DLG2: variants seen among roughly 807,000 people sequenced by gnomAD.
DLG2 encodes the protein discs large MAGUK scaffold protein 2, also known as disks large homolog 2.
Under a neutral mutation model 132.5 loss-of-function variants are expected in DLG2, and 45 were observed. That is an observed-to-expected ratio of 0.34 (90% CI 0.27 to 0.44). The LOEUF is 0.44. Ranked by LOEUF, DLG2 falls within the 20% of genes least tolerant of loss-of-function variation. The pLI is 1.00. For missense variants in DLG2, 1,045 were observed against 1,196.9 expected (o/e 0.87, Z 1.87); for synonymous variants, 424 against 419.6 (o/e 1.01, Z -0.13).
Position 85,424,452 on chromosome 11 carries a change from C to T in DLG2, c.41-139087G>A, listed in dbSNP as rs557210653. 2.6e-5 allele frequency among the ~76,000 whole-genome samples: 4 copies of T among 152,332 alleles called. No individual in the cohort carries two copies. The South Asian group carries it at 8.3e-4, about 32-fold the overall frequency. On this transcript the variant is annotated intron_variant, in intron 3 of 27. Coordinates refer to ENST00000376104, the MANE Select transcript of DLG2 (RefSeq NM_001142699.3). ...CTCCCATCCGCCATGACCCCCAGTT[C>T]TCCTGGGATGACATTCATGATTCAT...
intron 19 of DLG2, among the ~76,000 whole-genome samples, chr11:83,571,371 C>A (rs535348224): frequency 6.6e-6 from 1 of 151,958 alleles, no homozygotes; most frequent in South Asian, 2.1e-4. Flanking sequence ...CTGAATTCTA[C>A]CTCCTCCACT....
At chr11:85,154,149 A>C (rs1047378209) in intron 5 of DLG2, among the ~76,000 whole-genome samples, 4 of 151,046 alleles carry the variant, frequency 2.6e-5, no homozygotes, top group Admixed American at 6.6e-5. Flanking sequence ...AAAAAAAAAA[A>C]AAAAAAAAAA....
intron 14 of DLG2, among the ~76,000 whole-genome samples, chr11:83,960,403 T>C (rs1286593154): frequency 6.6e-6 from 1 of 152,100 alleles, no homozygotes; most frequent in Non-Finnish European, 1.5e-5. Flanking sequence ...ATTTTACAGA[T>C]AGTTAACATT....
chr11:85,309,576 A>C lies in DLG2; in HGVS notation c.41-24211T>G, dbSNP rs566353608. ...CAATAGGCATTTAAATGAAACATATAGTCATTACCACAAAAGACAAGGCCC... is the reference window on the plus strand; with the variant it reads ...CAATAGGCATTTAAATGAAACATATCGTCATTACCACAAAAGACAAGGCCC... On this transcript the variant is annotated intron_variant, in intron 3 of 27. Coordinates refer to ENST00000376104, the MANE Select transcript of DLG2 (RefSeq NM_001142699.3). Among the ~76,000 whole-genome samples the C allele has an allele frequency of 2.8e-4, 43 of 152,312 alleles. 2 individuals carry two copies. Among genetic ancestry groups the C allele is most frequent in the African/African-American group, 1.0e-3 (42 of 41,570 alleles).
chr11:84,964,421 A>C (rs1200445651), intron 6 of DLG2, among the ~76,000 whole-genome samples: 2 of 152,108 alleles, frequency 1.3e-5, no homozygotes, highest in African/African-American at 4.8e-5. Context: ...AATTTTAATT[A>C]ATAAATACAT....
chr11:84,087,072 G>A (rs1362299237), intron 10 of DLG2, among the ~76,000 whole-genome samples: 6 of 152,124 alleles, frequency 3.9e-5, no homozygotes, highest in Admixed American at 2.0e-4. Context: ...GGACATTTGG[G>A]TTGTTTCCAG....
intron 19 of DLG2, chr11:83,631,611 T>C (rs892757693): frequency 2.6e-5 from 4 of 152,160 alleles, no homozygotes; most frequent in African/African-American, 9.7e-5. Flanking sequence ...TTTTATATAA[T>C]ATCATATCAC....
intron 9 of DLG2, among the ~76,000 whole-genome samples, chr11:84,102,662 T>G (rs1443300875): frequency 2.0e-5 from 3 of 152,116 alleles, no homozygotes; most frequent in African/African-American, 7.2e-5. Context: ...AGGCATTTAT[T>G]GAAAGGTTAA....
intron 6 of DLG2, among the ~76,000 whole-genome samples, chr11:84,942,748 T>C (rs941864641): frequency 1.3e-5 from 2 of 152,162 alleles, no homozygotes; most frequent in South Asian, 2.1e-4. Flanking sequence ...ATTTGGTCTA[T>C]GGTGCAGATT....
At chr11:85,316,882 TAC>T (rs2080718344) in intron 3 of DLG2, among the ~76,000 whole-genome samples, 2 of 151,954 alleles carry the variant, frequency 1.3e-5, no homozygotes, top group Admixed American at 6.6e-5. Context: ...TCCTAGAATC[TAC>T]AGTCTTATGG....
At chr11:85,537,752 A>C (rs2075693340) in intron 3 of DLG2, among the ~76,000 whole-genome samples, 1 of 151,944 alleles carries the variant, frequency 6.6e-6, no homozygotes, top group Non-Finnish European at 1.5e-5. Flanking sequence ...CCACGAACCC[A>C]CCAGGAGGAA....
intron 18 of DLG2, among the ~76,000 whole-genome samples, chr11:83,773,010 C>A (rs931648729): frequency 1.3e-5 from 2 of 152,204 alleles, no homozygotes; most frequent in Admixed American, 1.3e-4. Flanking sequence ...TAATATACCA[C>A]CAAGCATTCA....
chr11:85,368,852 C>T (rs2084753943), intron 3 of DLG2, among the ~76,000 whole-genome samples: 1 of 152,240 alleles, frequency 6.6e-6, no homozygotes, highest in African/African-American at 2.4e-5. Flanking sequence ...AAGTTCACAA[C>T]ATTTGCAGCA....
At chr11:84,729,445 G>C (rs549805218) in intron 6 of DLG2, among the ~76,000 whole-genome samples, 1 of 152,056 alleles carries the variant, frequency 6.6e-6, no homozygotes, top group Non-Finnish European at 1.5e-5. Flanking sequence ...CCGAGAGACT[G>C]TTTGTTATGA....
At chr11:83,584,924 T>C (rs960985592) in intron 19 of DLG2, among the ~76,000 whole-genome samples, 56 of 152,210 alleles carry the variant, frequency 3.7e-4, no homozygotes, top group African/African-American at 1.2e-3. Context: ...GCATAAGACA[T>C]GATTCCTGCC....
At chr11:84,788,100 C>CAAAAA in intron 6 of DLG2, among the ~76,000 whole-genome samples, 592 of 45,262 alleles carry the variant, frequency 0.013, 2 homozygotes, top group Middle Eastern at 0.031. Flanking sequence ...GAATATGTCT[C>CAAAAA]AAAAAAAAAA....
At chr11:83,766,397 T>C (rs1593962731) in intron 18 of DLG2, among the ~76,000 whole-genome samples, 1 of 106,198 alleles carries the variant, frequency 9.4e-6, no homozygotes, top group East Asian at 2.1e-4. Flanking sequence ...CTGGCCTGCC[T>C]TTTTTTTTTT....
At chr11:83,468,857 A>G in intron 25 of DLG2, among the ~76,000 whole-genome samples, 1 of 152,152 alleles carries the variant, frequency 6.6e-6, no homozygotes, top group East Asian at 1.9e-4. Context: ...GAAAAAAAAT[A>G]ACTTCCTCTA....
At chr11:84,908,404 C>A (rs1192490190) in intron 6 of DLG2, among the ~76,000 whole-genome samples, 2 of 152,156 alleles carry the variant, frequency 1.3e-5, no homozygotes, top group Non-Finnish European at 2.9e-5. Flanking sequence ...AAGTGCTCAA[C>A]AGCCACATGT....
Sources: gnomAD v4.1 joint callset for allele counts (sites outside exome capture counted in the v4.1 genomes callset) on GRCh38, gnomAD v4.1.1 for gene constraint, MANE v1.5 for transcripts, NCBI Gene and HGNC (gene_info 2026-07-23, HGNC 2026-07-21) for gene names.